The following LSR variants were observed in gnomAD, a reference collection of about 807,000 sequenced individuals.
The protein encoded by LSR is lipolysis stimulated lipoprotein receptor.
In LSR, 44 loss-of-function variants were observed where a neutral mutation model predicts 61.8. The observed-to-expected ratio is 0.71, with a 90% CI of 0.56 to 0.91. The LOEUF is 0.91. Ranked by LOEUF, LSR falls within the 40% of genes least tolerant of loss-of-function variation. LSR has a pLI of 0.00. For synonymous variants in LSR, 397 were observed against 350.6 expected (o/e 1.13, Z -1.48); for missense variants, 911 against 830.5 (o/e 1.10, Z -1.19).
At position 35,262,753 on chromosome 19, in the gene LSR, G is replaced by A. The variant is rs2065947281; in HGVS notation, c.778+61G>A. 3.2e-6 allele frequency: 5 copies of A among 1,583,150 alleles called. No individual in the cohort carries two copies. The South Asian group carries it at 5.7e-5, about 18-fold the overall frequency. On this transcript the variant is annotated intron_variant, in intron 5 of 9. Transcript: ENST00000605618. ...AACATCCTGCATCCAAGGGAAGGAGGTGGCCATCCACCTGCCCCCAGGACA... is the reference window on the plus strand; with the variant it reads ...AACATCCTGCATCCAAGGGAAGGAGATGGCCATCCACCTGCCCCCAGGACA...
chr19:35,249,150 C>T lies in LSR; in HGVS notation c.109+19C>T, dbSNP rs1242146008. On this transcript the variant is annotated intron_variant, in intron 1 of 9. Transcript: ENST00000605618. ...TGCACAGGTACGGGGCACGGGGCCT[C>T]TGACGCTGCGGAACGCCGGAGGGAA... The T allele has an allele frequency of 6.6e-7, 1 of 1,519,138 alleles. No individual in the cohort carries two copies. Among genetic ancestry groups the T allele is most frequent in the African/African-American group, 1.4e-5 (1 of 70,746 alleles). 94.1% of individuals were successfully genotyped at this position (1,519,138 alleles called of 1,614,324 possible). A position where few individuals can be genotyped will look rare whatever the true frequency, so the allele number is the denominator to read the frequency against.
intron 2 of LSR, 56 bp from the exon 3 acceptor site, chr19:35,258,889 A>G (rs2065888716): frequency 6.2e-7 from 1 of 1,610,338 alleles, no homozygotes; most frequent in Non-Finnish European, 8.5e-7. Context: ...TTGGCCCTCC[A>G]GGGGTTAGGT....
At chr19:35,250,681 G>C in intron 2 of LSR, 22 bp downstream of exon 2, 2 of 1,516,558 alleles carry the variant, frequency 1.3e-6, no homozygotes, top group Non-Finnish European at 1.8e-6. Flanking sequence ...AGGGCAGGGG[G>C]ATGAGGCTGG....
chr19:35,252,076 C>T (rs1206437251), intron 2 of LSR, among the ~76,000 whole-genome samples: 10 of 151,354 alleles, frequency 6.6e-5, no homozygotes, highest in South Asian at 2.1e-4. Context: ...CCTCGTGATC[C>T]GCCCGCCTCG....
chr19:35,250,726 G>T (rs1010666939), intron 2 of LSR, 67 bp downstream of exon 2: 14 of 1,263,888 alleles, frequency 1.1e-5, no homozygotes, highest in Non-Finnish European at 1.5e-5. Flanking sequence ...GTCCTTGTGC[G>T]GGACCTGGAG....
chr19:35,258,592 G>A (rs2065884338), intron 2 of LSR, among the ~76,000 whole-genome samples: 1 of 151,722 alleles, frequency 6.6e-6, no homozygotes, highest in African/African-American at 2.4e-5. Context: ...GCCACAGAGT[G>A]AGACCCTGTC....
At position 35,250,179 on chromosome 19, in the gene LSR, C is replaced by CA. The variant is rs2065772256; in HGVS notation, c.110-134dup. On this transcript the variant is annotated intron_variant, in intron 1 of 9. Transcript: ENST00000605618. ...ATCGTGGCTACCTCACTGGTCCTGG[C>CA]AATTAAGGAACAATGTGTGCCAGGC... The CA allele has an allele frequency of 7.0e-6, 4 of 568,562 alleles. No homozygotes were observed. The South Asian group carries it at 1.4e-4, about 20-fold the overall frequency. The allele number at this position is 568,562 out of a possible 1,614,324, so 35.2% of individuals were successfully genotyped here.
intron 3 of LSR, 161 bp downstream of exon 3, chr19:35,259,225 T>G: frequency 5.8e-6 from 5 of 867,610 alleles, no homozygotes; most frequent in Non-Finnish European, 8.4e-6. Flanking sequence ...GGCTCCCCTG[T>G]GCCCTGCACC....
intron 1 of LSR, among the ~76,000 whole-genome samples, chr19:35,250,009 G>A (rs1044665322): frequency 3.9e-5 from 6 of 152,154 alleles, no homozygotes; most frequent in African/African-American, 1.4e-4. Flanking sequence ...CCCTTGTTGT[G>A]GGTGAATGGC....
Position 35,266,470 on chromosome 19 carries a change from T to C in LSR, c.890T>C (p.Met297Thr), listed in dbSNP as rs2066000298. The change falls in exon 6 of 10, where the codon ATG (methionine) becomes ACG (threonine). Residue 297 changes from methionine to threonine, a missense_variant. Transcript: ENST00000605618. ...KTPPPPAMIP[M>T]GPAYNGYPGG... Reference sequence around the variant, plus strand: ...CCACCCCCACCAGCTATGATTCCCATGGGCCCTGCCTACAACGGGTACCCT... The same window carrying C: ...CCACCCCCACCAGCTATGATTCCCACGGGCCCTGCCTACAACGGGTACCCT... The C allele has an allele frequency of 1.2e-6, 2 of 1,612,930 alleles. No individual in the cohort carries two copies. Among genetic ancestry groups the C allele is most frequent in the African/African-American group, 1.3e-5 (1 of 74,908 alleles).
At chr19:35,258,182 G>A (rs894803624) in intron 2 of LSR, among the ~76,000 whole-genome samples, 36 of 152,088 alleles carry the variant, frequency 2.4e-4, no homozygotes, top group African/African-American at 8.5e-4. Flanking sequence ...GGTGGTTCAC[G>A]CCTGTAATCC....
chr19:35,250,400 C>G lies in LSR; in HGVS notation c.195C>G (p.Tyr65Ter). The G allele has an allele frequency of 1.9e-6, 3 of 1,613,402 alleles. No homozygotes were observed. Among genetic ancestry groups the G allele is most frequent in the Non-Finnish European group, 2.5e-6 (3 of 1,179,674 alleles). ...AGCCTGTGACCCTGCCCTGTACCTA[C>G]CAGATGACCTCGACCCCCACGCAAC... ...LFQPVTLPCT[Y>*]QMTSTPTQPI... The change falls in exon 2 of 10, where the codon TAC becomes TAG. Residue 65 changes from tyrosine to a stop codon, truncating the protein, a stop_gained. Coordinates refer to ENST00000605618, the MANE Select transcript of LSR (RefSeq NM_205834.4). LOFTEE classifies it high-confidence loss of function.
At chr19:35,254,668 G>T (rs1341293523) in intron 2 of LSR, among the ~76,000 whole-genome samples, 3 of 152,196 alleles carry the variant, frequency 2.0e-5, no homozygotes, top group Admixed American at 6.5e-5. Context: ...AGAGGTTGGA[G>T]ATGTGGAGGA....
Sources: gnomAD v4.1 joint callset for allele counts (sites outside exome capture counted in the v4.1 genomes callset) on GRCh38, gnomAD v4.1.1 for gene constraint, MANE v1.5 for transcripts, NCBI Gene and HGNC (gene_info 2026-07-23, HGNC 2026-07-21) for gene names.